ABCA13: variants seen among roughly 807,000 people sequenced by gnomAD.
ABCA13 encodes the protein ATP binding cassette subfamily A member 13, also known as ATP-binding cassette sub-family A member 13.
In ABCA13, 476 loss-of-function variants were observed where a neutral mutation model predicts 478.7. The observed-to-expected ratio is 0.99, with a 90% confidence interval of 0.92 to 1.07. ABCA13 has a LOEUF of 1.07. Among genes scored for constraint, ABCA13 ranks in the 50% least tolerant of loss-of-function variants. ABCA13 has a pLI of 0.00. For synonymous variants in ABCA13, 2,252 were observed against 2,158.9 expected, an observed-to-expected ratio of 1.04 and a Z score of -1.20; for missense variants, 6,060 against 5,910.6, an observed-to-expected ratio of 1.03 and a Z score of -0.83.
intron 15 of ABCA13, among the ~76,000 whole-genome samples, chr7:48,257,935 T>G (rs958447391): frequency 2.0e-5 from 3 of 152,028 alleles, no homozygotes; most frequent in African/African-American, 4.8e-5. Context: ...ATTTATTTAT[T>G]TTTTTTGAGA....
chr7:48,295,613 T>C, intron 20 of ABCA13, 87 bp from the exon 21 acceptor site: 1 of 1,519,718 alleles, frequency 6.6e-7, no homozygotes, highest in Non-Finnish European at 9.0e-7. Flanking sequence ...GATTGTTCTC[T>C]GTGTTTCCTG....
At chr7:48,374,476 G>T (rs1357050064) in intron 34 of ABCA13, 60 bp downstream of exon 34, 14 of 1,434,478 alleles carry the variant, frequency 9.8e-6, no homozygotes, top group African/African-American at 2.8e-5. Context: ...GAAATTAATA[G>T]TTATATTGCA....
chr7:48,598,008 G>C (rs1355076797), intron 58 of ABCA13, among the ~76,000 whole-genome samples: 1 of 151,996 alleles, frequency 6.6e-6, no homozygotes, highest in Admixed American at 6.6e-5. Context: ...ACATTTTATG[G>C]GTTTGGACAA....
intron 54 of ABCA13, 40 bp downstream of exon 54, chr7:48,524,480 C>A (rs760951475): frequency 2.6e-6 from 4 of 1,537,772 alleles, no homozygotes; most frequent in East Asian, 2.3e-5. Flanking sequence ...CTGTTGTGAA[C>A]CTGTACAACT....
chr7:48,558,822 C>T (rs1160478055), intron 55 of ABCA13, among the ~76,000 whole-genome samples: 1 of 152,128 alleles, frequency 6.6e-6, no homozygotes, highest in African/African-American at 2.4e-5. Flanking sequence ...GTCATGTTTT[C>T]CTGGATGGCC....
At chr7:48,271,517 A>G (rs1795605448) in intron 16 of ABCA13, among the ~76,000 whole-genome samples, 1 of 152,192 alleles carries the variant, frequency 6.6e-6, no homozygotes, top group African/African-American at 2.4e-5. Flanking sequence ...ATAATCATAC[A>G]TATTATTGTT....
At chr7:48,222,019 T>C (rs1172899385) in intron 5 of ABCA13, among the ~76,000 whole-genome samples, 1 of 152,222 alleles carries the variant, frequency 6.6e-6, no homozygotes, top group Non-Finnish European at 1.5e-5. Context: ...TGTGTCTGTA[T>C]CTGTTTAATT....
rs771619214 is a variant in ABCA13, at chr7:48,427,860, T to A, written c.12554T>A (p.Leu4185Gln). 11 of 1,602,974 alleles carry A rather than the reference T, an allele frequency of 6.9e-6. No individual in the cohort carries two copies. In the South Asian group the frequency reaches 9.0e-5, roughly 13 times the overall value. ...CAGAACCACAGGCCTACAGGACATC[T>A]GTCTGGCTACTGTAAGTACAGAATG... is the stretch of plus-strand genomic sequence containing the variant. ...ELQNHRPTGH[L>Q]SGYCGSLARP... is the part of the protein sequence containing the mutation. The change falls in exon 42 of 62, where the codon CTG (leucine) becomes CAG (glutamine). Residue 4185 changes from leucine (L) to glutamine (Q), a missense_variant. Around this residue, in one of 3 missense-constraint regions of ABCA13, gnomAD observed 1,627 missense variants for 1,571.0 expected, o/e 1.04. Transcript: ENST00000435803.
intron 7 of ABCA13, among the ~76,000 whole-genome samples, chr7:48,230,299 C>T (rs1410121584): frequency 6.6e-6 from 1 of 152,100 alleles, no homozygotes; most frequent in Non-Finnish European, 1.5e-5. Context: ...CTCTAAGCTC[C>T]TATTGGGAGG....
intron 38 of ABCA13, among the ~76,000 whole-genome samples, chr7:48,403,126 G>A (rs945400731): frequency 2.0e-5 from 3 of 152,220 alleles, no homozygotes; most frequent in Admixed American, 2.0e-4. Flanking sequence ...CCCTGCAACG[G>A]AACAGGACAC....
intron 19 of ABCA13, among the ~76,000 whole-genome samples, chr7:48,286,311 C>A (rs886373324): frequency 2.6e-5 from 4 of 152,126 alleles, no homozygotes; most frequent in African/African-American, 9.7e-5. Flanking sequence ...CCTGAAAAAT[C>A]CTCTGTGCTC....
At chr7:48,585,724 A>AT (rs1043493519) in intron 56 of ABCA13, among the ~76,000 whole-genome samples, 34 of 152,238 alleles carry the variant, frequency 2.2e-4, no homozygotes, top group African/African-American at 7.9e-4. Flanking sequence ...GTCCTATAGA[A>AT]TTTTTCCCTC....
chr7:48,376,051 T>C (rs1193345184), intron 34 of ABCA13, among the ~76,000 whole-genome samples: 2 of 152,200 alleles, frequency 1.3e-5, no homozygotes, highest in Middle Eastern at 3.2e-3. Flanking sequence ...TATTATATAT[T>C]TTCCAAGAGC....
chr7:48,626,193 A>G (rs773846971), intron 59 of ABCA13, among the ~76,000 whole-genome samples: 5 of 152,336 alleles, frequency 3.3e-5, no homozygotes, highest in South Asian at 4.1e-4. Flanking sequence ...TAAAAAAATT[A>G]TGTAAGAAAG....
chr7:48,402,069 G>A (rs373800609), intron 38 of ABCA13, among the ~76,000 whole-genome samples: 1 of 152,184 alleles, frequency 6.6e-6, no homozygotes, highest in African/African-American at 2.4e-5. Flanking sequence ...GGCCAGAAGC[G>A]TTCCTGAAGT....
At chr7:48,382,919 G>A (rs1168491274) in intron 35 of ABCA13, among the ~76,000 whole-genome samples, 3 of 152,044 alleles carry the variant, frequency 2.0e-5, no homozygotes, top group South Asian at 2.1e-4. Context: ...GGTATAATCC[G>A]GAGAACAGAA....
rs762023415 is a variant in ABCA13, at chr7:48,338,396, T to G, written c.10145T>G (p.Phe3382Cys). The change falls in exon 29 of 62, where the codon TTT becomes TGT. Residue 3382 changes from phenylalanine (F) to cysteine (C), a missense_variant. Transcript: ENST00000435803. ...EALRNKFVRNFVENQLHIDVD... is the reference protein window; with the variant it reads ...EALRNKFVRNCVENQLHIDVD... ...CTGAGAAACAAATTTGTAAGAAACT[T>G]TGTAGAAAACCAGTTGCACATTGAT... is the stretch of plus-strand genomic sequence containing the variant. 7 of 1,602,606 alleles carry G rather than the reference T, an allele frequency of 4.4e-6. No individual in the cohort carries two copies. Among genetic ancestry groups the G allele is most frequent in the Non-Finnish European group, 6.0e-6 (7 of 1,174,200 alleles).
Position 48,646,004 on chromosome 7 carries a change from T to A in ABCA13, c.*492T>A, listed in dbSNP as rs553632558. 1.3e-5 allele frequency: 2 copies of A among 153,934 alleles called. No homozygotes were observed. Among genetic ancestry groups the A allele is most frequent in the African/African-American group, 4.8e-5 (2 of 41,580 alleles). The allele number at this position is 153,934 out of a possible 1,614,324, so 9.5% of individuals were successfully genotyped here. On this transcript the variant is annotated 3_prime_UTR_variant, in exon 62 of 62. Coordinates refer to ENST00000435803, the MANE Select transcript of ABCA13 (RefSeq NM_152701.5). The stretch of plus-strand genomic sequence containing the variant: ...CATCTATTTACTAGATACATGTTTT[T>A]AATGATTTTAATGTAAGCTTTTATT...
At chr7:48,412,665 G>C (rs1245502650) in intron 41 of ABCA13, 82 bp downstream of exon 41, 24 of 1,184,946 alleles carry the variant, frequency 2.0e-5, no homozygotes, top group African/African-American at 8.0e-5. Flanking sequence ...TGGGTAAAGG[G>C]GGGGAGATGT....
Sources: gnomAD v4.1 joint callset for allele counts (sites outside exome capture counted in the v4.1 genomes callset) on GRCh38, gnomAD v4.1.1 for gene constraint, gnomAD v4.1.1 regional missense constraint, MANE v1.5 for transcripts, NCBI Gene and HGNC (gene_info 2026-07-23, HGNC 2026-07-21) for gene names.